Variants in ANKS1B observed in about 807,000 individuals in gnomAD.
The protein encoded by ANKS1B is ankyrin repeat and sterile alpha motif domain containing 1B.
In ANKS1B, 36 loss-of-function variants were observed where a neutral mutation model predicts 148.3. The observed-to-expected ratio is 0.24, with a 90% CI of 0.19 to 0.32. ANKS1B has a LOEUF of 0.32. ANKS1B is among the 10% of genes least tolerant of loss of function. The pLI, the probability that ANKS1B is intolerant of heterozygous loss-of-function variation, is 1.00. For synonymous variants in ANKS1B, 542 were observed against 560.8 expected, an observed-to-expected ratio of 0.97 and a Z score of 0.47; for missense variants, 1,157 against 1,542.6, an observed-to-expected ratio of 0.75 and a Z score of 4.19.
At chr12:99,372,632 A>T (rs2093200076) in intron 12 of ANKS1B, among the ~76,000 whole-genome samples, 1 of 152,112 alleles carries the variant, frequency 6.6e-6, no homozygotes, top group Non-Finnish European at 1.5e-5. Flanking sequence ...AAATTGCTAC[A>T]TATTAGCTTC....
intron 8 of ANKS1B, among the ~76,000 whole-genome samples, chr12:99,765,070 C>T (rs2062518339): frequency 1.3e-5 from 2 of 152,068 alleles, no homozygotes; most frequent in African/African-American, 4.8e-5. Context: ...GGTGAGAGGT[C>T]AATCTGGAAG....
At chr12:99,717,899 C>CTTTTTTTT (rs943618905) in intron 8 of ANKS1B, among the ~76,000 whole-genome samples, 3 of 111,088 alleles carry the variant, frequency 2.7e-5, no homozygotes, top group African/African-American at 3.6e-5. Context: ...AGACAATACT[C>CTTTTTTTT]TTTTTTTTTT....
At chr12:98,836,173 G>A (rs536177197) in intron 17 of ANKS1B, among the ~76,000 whole-genome samples, 4 of 152,112 alleles carry the variant, frequency 2.6e-5, no homozygotes, top group Middle Eastern at 6.8e-3. Context: ...CTACACTATT[G>A]GTTATGTCAT....
chr12:99,764,650 C>T (rs950703442), intron 8 of ANKS1B, among the ~76,000 whole-genome samples: 2 of 152,054 alleles, frequency 1.3e-5, no homozygotes, highest in South Asian at 2.1e-4. Context: ...CTCTAACTCC[C>T]GACCTCAGGT....
intron 15 of ANKS1B, among the ~76,000 whole-genome samples, chr12:99,111,674 G>T (rs2060316967): frequency 6.6e-6 from 1 of 152,116 alleles, no homozygotes; most frequent in African/African-American, 2.4e-5. Flanking sequence ...AGTTGATTAA[G>T]GGTTAGCAAT....
chr12:99,183,661 A>T (rs1436166651), intron 14 of ANKS1B, among the ~76,000 whole-genome samples: 2 of 152,134 alleles, frequency 1.3e-5, no homozygotes, highest in Non-Finnish European at 2.9e-5. Flanking sequence ...AACAACAATA[A>T]CAACAACAAA....
chr12:99,427,588 G>T lies in ANKS1B; in HGVS notation c.1575+16085C>A, dbSNP rs955519580. Among the ~76,000 whole-genome samples the T allele has an allele frequency of 5.9e-5, 9 of 152,128 alleles. 1 individual carries two copies. Among genetic ancestry groups the T allele is most frequent in the Admixed American group, 2.6e-4 (4 of 15,268 alleles). Reference sequence around the variant, plus strand: ...TTTACAGCCCTGATCACAATCTGAAGTTATATTCTCTATTTATTGTTCACT... The same window carrying T: ...TTTACAGCCCTGATCACAATCTGAATTTATATTCTCTATTTATTGTTCACT... On this transcript the variant is annotated intron_variant, in intron 11 of 26. Transcript: ENST00000683438.
intron 22 of ANKS1B, among the ~76,000 whole-genome samples, chr12:98,792,956 T>C (rs373209045): frequency 2.0e-5 from 3 of 152,214 alleles, no homozygotes; most frequent in South Asian, 4.1e-4. Context: ...AACATACTGA[T>C]TTCATTTCCT....
At chr12:99,779,357 A>G (rs1273577018) in intron 6 of ANKS1B, among the ~76,000 whole-genome samples, 1 of 152,228 alleles carries the variant, frequency 6.6e-6, no homozygotes, top group Non-Finnish European at 1.5e-5. Flanking sequence ...TTGATAATCT[A>G]GCATTTAGAT....
At chr12:99,198,177 G>A (rs10777962) in intron 14 of ANKS1B, among the ~76,000 whole-genome samples, 7,426 of 152,052 alleles carry the variant, frequency 0.049, 418 homozygotes, top group East Asian at 0.2. Flanking sequence ...GCATTCTTCC[G>A]CTATAGTATT....
intron 1 of ANKS1B, among the ~76,000 whole-genome samples, chr12:99,929,499 T>C (rs1055537522): frequency 6.6e-6 from 1 of 152,202 alleles, no homozygotes; most frequent in East Asian, 1.9e-4. Flanking sequence ...CTTTTTAGTT[T>C]AATTAGGTCC....
chr12:99,489,124 C>T (rs573482346), intron 10 of ANKS1B, among the ~76,000 whole-genome samples: 1 of 151,796 alleles, frequency 6.6e-6, no homozygotes, highest in African/African-American at 2.4e-5. Context: ...CACCTATAAT[C>T]CCAGCTACTC....
At position 99,347,827 on chromosome 12, in the gene ANKS1B, C is replaced by T. The variant is rs551164833; in HGVS notation, c.1756+51804G>A. On this transcript the variant is annotated intron_variant, in intron 12 of 26. Transcript: ENST00000683438. ...CCAAAAAAAATAATAAAGTGTGGCC[C>T]ATTTACAGGGAAAAAAAGAAATGAA... is the stretch of plus-strand genomic sequence containing the variant. 1.4e-4 allele frequency among the ~76,000 whole-genome samples: 21 copies of T among 151,754 alleles called. No individual in the cohort carries two copies. The South Asian group carries it at 3.7e-3, about 27-fold the overall frequency.
intron 14 of ANKS1B, among the ~76,000 whole-genome samples, chr12:99,172,626 AGAC>A (rs2077908520): frequency 2.0e-5 from 3 of 152,182 alleles, no homozygotes; most frequent in South Asian, 4.1e-4. Flanking sequence ...CCCATAGAGA[AGAC>A]TTGGTCTAAT....
At chr12:99,412,311 A>T (rs1050220300) in intron 11 of ANKS1B, among the ~76,000 whole-genome samples, 3 of 152,158 alleles carry the variant, frequency 2.0e-5, no homozygotes, top group African/African-American at 7.2e-5. Flanking sequence ...CTGTCCCCAC[A>T]TTAGGAGCTT....
chr12:99,659,536 G>T (rs1397824028), intron 8 of ANKS1B, among the ~76,000 whole-genome samples: 3 of 152,110 alleles, frequency 2.0e-5, no homozygotes, highest in Non-Finnish European at 2.9e-5. Context: ...ATACTGTAGG[G>T]AGACAAACTT....
Position 99,126,784 on chromosome 12 carries a change from C to T in ANKS1B, c.2526+27505G>A, listed in dbSNP as rs1283606286. 2.0e-5 allele frequency among the ~76,000 whole-genome samples: 3 copies of T among 152,118 alleles called. No individual in the cohort carries two copies. In the East Asian group the frequency reaches 5.8e-4, roughly 29 times the overall value. On this transcript the variant is annotated intron_variant, in intron 15 of 26. Coordinates refer to ENST00000683438, the MANE Select transcript of ANKS1B (RefSeq NM_001352186.2). ...GATCTGTGCCTTGATTTCCTTATTT[C>T]TAAAAACAAAGAAGTTACTCTACAT... is the stretch of plus-strand genomic sequence containing the variant.
intron 11 of ANKS1B, among the ~76,000 whole-genome samples, chr12:99,437,708 C>A (rs961037170): frequency 8.6e-5 from 13 of 151,914 alleles, no homozygotes; most frequent in African/African-American, 3.1e-4. Context: ...CACCTCCTAA[C>A]AAAATATTTA....
Position 99,443,795 on chromosome 12 carries a change from C to T in ANKS1B, c.1453G>A (p.Val485Ile), listed in dbSNP as rs772775384. 3 of 1,610,210 alleles carry T rather than the reference C, an allele frequency of 1.9e-6. No homozygotes were observed. Among genetic ancestry groups the T allele is most frequent in the East Asian group, 2.2e-5 (1 of 44,752 alleles). ...PSPRTDNASEVAVTTPGTSNH... is the reference protein window; with the variant it reads ...PSPRTDNASEIAVTTPGTSNH... Reference sequence around the variant, plus strand: ...CTAGTTCCTGGAGTAGTAACTGCTACCTCAGAGGCATTATCTGTGAATAAA... The same window carrying T: ...CTAGTTCCTGGAGTAGTAACTGCTATCTCAGAGGCATTATCTGTGAATAAA... Residue 485 changes from valine (V) to isoleucine (I), a missense_variant, in exon 11 of 27, where the codon GTA becomes ATA. Physicochemically the swap from Val to Ile is conservative, Grantham distance 29. This residue lies in a region of ANKS1B where 661 missense variants were observed against 642.1 expected (regional missense o/e 1.03). Transcript: ENST00000683438.
Sources: gnomAD v4.1 joint callset for allele counts (sites outside exome capture counted in the v4.1 genomes callset) on GRCh38, gnomAD v4.1.1 for gene constraint, gnomAD v4.1.1 regional missense constraint, MANE v1.5 for transcripts, NCBI Gene and HGNC (gene_info 2026-07-23, HGNC 2026-07-21) for gene names.